Variants in GMDS observed in about 807,000 individuals in gnomAD.
GMDS encodes GDP-mannose 4,6 dehydratase.
In GMDS, 20 loss-of-function variants were observed where a neutral mutation model predicts 49.9. The ratio of observed to expected loss-of-function variants is 0.40; its 90% CI spans 0.28 to 0.58. GMDS has a LOEUF of 0.58. GMDS is among the 20% of genes least tolerant of loss of function. GMDS has a pLI of 0.42. For synonymous variants in GMDS, 177 were observed against 178.6 expected (o/e 0.99, Z 0.07); for missense variants, 362 against 481.4 (o/e 0.75, Z 2.32).
chr6:2,160,316 T>C (rs1777331292), intron 1 of GMDS, among the ~76,000 whole-genome samples: 2 of 152,160 alleles, frequency 1.3e-5, no homozygotes, highest in African/African-American at 4.8e-5. Context: ...TGTCCAGGCC[T>C]TGCACTAAAT....
At chr6:2,198,843 TAC>T in intron 1 of GMDS, among the ~76,000 whole-genome samples, 1 of 152,324 alleles carries the variant, frequency 6.6e-6, no homozygotes, top group Admixed American at 6.5e-5. Context: ...CTAGTCTATC[TAC>T]AGAGGTGTCT....
At chr6:1,765,560 T>G (rs143063515) in intron 7 of GMDS, among the ~76,000 whole-genome samples, 1 of 152,176 alleles carries the variant, frequency 6.6e-6, no homozygotes, top group Admixed American at 6.5e-5. Flanking sequence ...ATAAATAACA[T>G]TCATTTCATT....
intron 9 of GMDS, chr6:1,626,084 T>C (rs1762842776): frequency 1.3e-5 from 2 of 152,146 alleles, no homozygotes; most frequent in African/African-American, 2.4e-5. Context: ...AGGGCAGGGG[T>C]GGGACCTGCT....
At chr6:1,867,404 C>T (rs549498214) in intron 7 of GMDS, among the ~76,000 whole-genome samples, 61 of 152,270 alleles carry the variant, frequency 4.0e-4, no homozygotes, top group African/African-American at 1.2e-3. Context: ...AAAAAGGTAA[C>T]GATCGGTAGG....
intron 7 of GMDS, among the ~76,000 whole-genome samples, chr6:1,811,071 G>A (rs1770407804): frequency 6.6e-6 from 1 of 152,032 alleles, no homozygotes; most frequent in African/African-American, 2.4e-5. Context: ...ACAGAATCTT[G>A]ATGAGAGCTG....
chr6:1,941,528 A>G (rs12153936), intron 6 of GMDS, among the ~76,000 whole-genome samples: 3,825 of 152,240 alleles, frequency 0.025, 162 homozygotes, highest in East Asian at 0.18. Context: ...AGCTTCTGAA[A>G]GAGGTGGACA....
intron 7 of GMDS, among the ~76,000 whole-genome samples, chr6:1,759,222 G>A (rs1768070471): frequency 6.6e-6 from 1 of 152,176 alleles, no homozygotes; most frequent in Non-Finnish European, 1.5e-5. Flanking sequence ...AGACTGATAG[G>A]GTGGAGTGAA....
At chr6:1,747,459 TAC>T (rs1360328406) in intron 7 of GMDS, among the ~76,000 whole-genome samples, 21 of 21,998 alleles carry the variant, frequency 9.5e-4, no homozygotes, top group Admixed American at 3.7e-3. Context: ...ACCTTAAAAC[TAC>T]ACACACACAC....
chr6:2,044,839 T>C (rs1769903446), intron 4 of GMDS, among the ~76,000 whole-genome samples: 3 of 152,320 alleles, frequency 2.0e-5, no homozygotes, highest in African/African-American at 7.2e-5. Context: ...AGGTAGAATT[T>C]TATTAATGCC....
chr6:2,157,082 A>G (rs541348273), intron 1 of GMDS, among the ~76,000 whole-genome samples: 169 of 152,372 alleles, frequency 1.1e-3, no homozygotes, highest in Non-Finnish European at 1.8e-3. Context: ...TGACAGACTC[A>G]CTAAAAACTC....
chr6:1,854,184 A>ATTT (rs1757840686), intron 7 of GMDS, among the ~76,000 whole-genome samples: 1 of 152,234 alleles, frequency 6.6e-6, no homozygotes, highest in Non-Finnish European at 1.5e-5. Flanking sequence ...GTCGTATTTT[A>ATTT]ATGTGCACCA....
chr6:2,074,008 T>G (rs1581612939), intron 4 of GMDS, among the ~76,000 whole-genome samples: 1 of 152,310 alleles, frequency 6.6e-6, no homozygotes, highest in East Asian at 1.9e-4. Context: ...AAATACTAAT[T>G]TCCTTTCCTT....
intron 4 of GMDS, among the ~76,000 whole-genome samples, chr6:2,109,926 G>T (rs1257023684): frequency 6.6e-6 from 1 of 152,178 alleles, no homozygotes; most frequent in South Asian, 2.1e-4. Flanking sequence ...CAATAGCTAC[G>T]CTCCCTGCCT....
intron 4 of GMDS, among the ~76,000 whole-genome samples, chr6:2,031,085 T>C (rs993480245): frequency 4.6e-5 from 7 of 152,204 alleles, no homozygotes; most frequent in Non-Finnish European, 8.8e-5. Flanking sequence ...ACTCAAACAA[T>C]GGTTCTCACA....
At chr6:1,933,820 T>C (rs1274791801) in intron 6 of GMDS, among the ~76,000 whole-genome samples, 2 of 152,250 alleles carry the variant, frequency 1.3e-5, no homozygotes, top group East Asian at 3.8e-4. Context: ...TTCTGTAGGC[T>C]GACTTTTCAC....
At chr6:2,108,731 C>G (rs73414544) in intron 4 of GMDS, among the ~76,000 whole-genome samples, 1 of 152,098 alleles carries the variant, frequency 6.6e-6, no homozygotes, top group Admixed American at 6.5e-5. Flanking sequence ...CACAGTTCAA[C>G]GATACTGCCC....
intron 4 of GMDS, among the ~76,000 whole-genome samples, chr6:2,037,488 G>C (rs546199889): frequency 2.8e-4 from 43 of 152,262 alleles, no homozygotes; most frequent in Admixed American, 7.9e-4. Context: ...CCTCACAATG[G>C]GGGAGGGAGT....
chr6:1,873,203 G>A (rs1056038732), intron 7 of GMDS, among the ~76,000 whole-genome samples: 3 of 152,190 alleles, frequency 2.0e-5, no homozygotes, highest in African/African-American at 4.8e-5. Flanking sequence ...TTAGCAAAAT[G>A]CTTTGAAGAG....
chr6:1,894,327 A>AT (rs1760039966), intron 7 of GMDS, among the ~76,000 whole-genome samples: 1 of 152,220 alleles, frequency 6.6e-6, no homozygotes, highest in Non-Finnish European at 1.5e-5. Flanking sequence ...AAAGTCCTTT[A>AT]TACTAGACGT....
Sources: gnomAD v4.1 joint callset for allele counts (sites outside exome capture counted in the v4.1 genomes callset) on GRCh38, gnomAD v4.1.1 for gene constraint, MANE v1.5 for transcripts, NCBI Gene and HGNC (gene_info 2026-07-23, HGNC 2026-07-21) for gene names.